The following EXOC4 variants were observed in gnomAD, a reference collection of about 807,000 sequenced individuals.
EXOC4 encodes the protein SEC8-like 1.
A neutral mutation model predicts 107.2 loss-of-function variants in EXOC4; 71 were observed. The ratio of observed to expected loss-of-function variants is 0.66; its 90% confidence interval spans 0.55 to 0.81. The LOEUF is 0.81. EXOC4 is among the 30% of genes least tolerant of loss of function. The probability of loss-of-function intolerance (pLI) is 0.00; values close to 1 mark genes in which losing one functional copy is unlikely to be tolerated. For missense variants in EXOC4, 1,108 were observed against 1,189.6 expected (o/e 0.93, Z 1.01); for synonymous variants, 456 against 441.2 (o/e 1.03, Z -0.42).
At position 134,064,616 on chromosome 7, in the gene EXOC4, T is replaced by C. The variant is rs10230643; in HGVS notation, c.*88T>C. On this transcript the variant is annotated 3_prime_UTR_variant, in exon 18 of 18. Transcript: ENST00000253861. ...GTTATTGAGTATATTCTGAGCTTAG[T>C]TTTCTCTACAGTGATACTTTAGTGG... The C allele has an allele frequency of 4.6e-4, 406 of 891,050 alleles. 1 individual carries two copies. In the African/African-American group the frequency reaches 6.1e-3, roughly 13 times the overall value. The allele number at this position is 891,050 out of a possible 1,614,324, so 55.2% of individuals were successfully genotyped here. A position where few individuals can be genotyped will look rare whatever the true frequency, so the allele number is the denominator to read the frequency against.
At chr7:133,545,048 A>G (rs948655027) in intron 9 of EXOC4, among the ~76,000 whole-genome samples, 1 of 151,116 alleles carries the variant, frequency 6.6e-6, no homozygotes, top group Admixed American at 6.6e-5. Context: ...AGTATTTGGA[A>G]ATTTGTGAGG....
chr7:133,473,133 C>T (rs899946505), intron 7 of EXOC4, among the ~76,000 whole-genome samples: 1 of 151,876 alleles, frequency 6.6e-6, no homozygotes, highest in African/African-American at 2.4e-5. Context: ...TTTTTTTGAT[C>T]ACAAATTGCT....
At chr7:134,092,105 C>T in the EXOC4 span, among the ~76,000 whole-genome samples, 5 of 152,122 alleles carry the variant, frequency 3.3e-5, no homozygotes, top group Non-Finnish European at 7.4e-5. Flanking sequence ...GAGTTAACTA[C>T]ATTACATTAT....
At chr7:133,690,386 A>G (rs868320026) in intron 10 of EXOC4, among the ~76,000 whole-genome samples, 19 of 152,218 alleles carry the variant, frequency 1.2e-4, no homozygotes, top group African/African-American at 4.3e-4. Context: ...CAGTCATGGC[A>G]GCAGCTAAAA....
intron 14 of EXOC4, among the ~76,000 whole-genome samples, chr7:133,966,947 G>T (rs182840568): frequency 2.6e-5 from 4 of 152,078 alleles, no homozygotes; most frequent in African/African-American, 9.7e-5. Flanking sequence ...CTGTGAATTC[G>T]TCTGGTCCTT....
chr7:133,327,593 C>A (rs905181125), intron 5 of EXOC4, among the ~76,000 whole-genome samples: 24 of 152,278 alleles, frequency 1.6e-4, no homozygotes, highest in Non-Finnish European at 2.9e-5. Context: ...AAATTTCCCT[C>A]CAAACACTGC....
At chr7:133,659,000 CTTTTTTTT>C (rs397890140) in intron 10 of EXOC4, among the ~76,000 whole-genome samples, 2 of 40,138 alleles carry the variant, frequency 5.0e-5, no homozygotes, top group African/African-American at 2.0e-4. Flanking sequence ...TTCAGAGAAG[CTTTTTTTT>C]TTTTTTTTTT....
chr7:133,629,632 C>T (rs924224774), intron 9 of EXOC4, among the ~76,000 whole-genome samples: 1 of 152,030 alleles, frequency 6.6e-6, no homozygotes, highest in African/African-American at 2.4e-5. Context: ...CCTGCACCTC[C>T]CAGGTTCAAG....
chr7:133,649,166 T>C (rs897066802), intron 10 of EXOC4, among the ~76,000 whole-genome samples: 12 of 152,190 alleles, frequency 7.9e-5, no homozygotes, highest in Non-Finnish European at 1.5e-4. Context: ...AAACCCTTTT[T>C]TATAATTTCT....
At chr7:133,463,278 A>C (rs1453732574) in intron 7 of EXOC4, among the ~76,000 whole-genome samples, 1 of 152,174 alleles carries the variant, frequency 6.6e-6, no homozygotes, top group Non-Finnish European at 1.5e-5. Flanking sequence ...GATGACATTA[A>C]GGAGCTCCCC....
intron 9 of EXOC4, among the ~76,000 whole-genome samples, chr7:133,518,107 A>G (rs908822068): frequency 6.6e-6 from 1 of 151,910 alleles, no homozygotes; most frequent in Non-Finnish European, 1.5e-5. Flanking sequence ...TTCACATGGG[A>G]GCAAGCCTGC....
chr7:133,738,310 A>G (rs1272694945), intron 10 of EXOC4, among the ~76,000 whole-genome samples: 2 of 152,184 alleles, frequency 1.3e-5, no homozygotes, highest in African/African-American at 4.8e-5. Context: ...GAGACCATTA[A>G]TGACTCATTT....
At chr7:133,621,666 G>A (rs1245308179) in intron 9 of EXOC4, among the ~76,000 whole-genome samples, 1 of 152,104 alleles carries the variant, frequency 6.6e-6, no homozygotes, top group East Asian at 1.9e-4. Context: ...GTGACTCTAG[G>A]GAGGACCAAA....
intron 9 of EXOC4, among the ~76,000 whole-genome samples, chr7:133,629,415 C>A (rs1361412859): frequency 2.1e-4 from 32 of 152,160 alleles, no homozygotes; most frequent in Non-Finnish European, 1.0e-4. Context: ...TCATTAGAGA[C>A]CAAAATTTTC....
chr7:133,989,015 A>G (rs1156612351), intron 14 of EXOC4, among the ~76,000 whole-genome samples: 3 of 152,226 alleles, frequency 2.0e-5, no homozygotes, highest in Non-Finnish European at 4.4e-5. Flanking sequence ...GGGGCCAGGT[A>G]AGAAGCAGAG....
intron 10 of EXOC4, among the ~76,000 whole-genome samples, chr7:133,661,986 C>T (rs1793702505): frequency 6.6e-6 from 1 of 152,118 alleles, no homozygotes; most frequent in African/African-American, 2.4e-5. Flanking sequence ...ATGTGCCAAT[C>T]TCTGTGTTGA....
At position 133,975,670 on chromosome 7, in the gene EXOC4, C is replaced by G. The variant is rs543296367; in HGVS notation, c.2207-21822C>G. On this transcript the variant is annotated intron_variant, in intron 14 of 17. Coordinates refer to ENST00000253861, the MANE Select transcript of EXOC4 (RefSeq NM_021807.4). ...GAGATTATACAATATAACATTTGAA[C>G]TATAAAATGCTAAGTAATTTTAACA... 7.9e-5 allele frequency among the ~76,000 whole-genome samples: 12 copies of G among 151,852 alleles called. No homozygotes were observed. The South Asian group carries it at 2.5e-3, about 32-fold the overall frequency.
chr7:133,484,360 G>C (rs1056110163), intron 9 of EXOC4, among the ~76,000 whole-genome samples: 12 of 152,022 alleles, frequency 7.9e-5, no homozygotes, highest in Non-Finnish European at 1.5e-4. Context: ...GGGTGTGTCA[G>C]TGTTAATCAT....
chr7:133,616,605 T>G (rs1402708759), intron 9 of EXOC4, among the ~76,000 whole-genome samples: 2 of 152,234 alleles, frequency 1.3e-5, no homozygotes, highest in Non-Finnish European at 2.9e-5. Context: ...TTGGGTAATT[T>G]TTGTGACAAT....
Sources: gnomAD v4.1 joint callset for allele counts (sites outside exome capture counted in the v4.1 genomes callset) on GRCh38, gnomAD v4.1.1 for gene constraint, MANE v1.5 for transcripts, NCBI Gene and HGNC (gene_info 2026-07-23, HGNC 2026-07-21) for gene names.